NPAS2: variants seen among roughly 807,000 people sequenced by gnomAD.
The protein encoded by NPAS2 is neuronal PAS domain protein 2.
In NPAS2, 23 loss-of-function variants were observed where a neutral mutation model predicts 107.5. The observed-to-expected ratio is 0.21, with a 90% confidence interval of 0.15 to 0.30. The LOEUF is 0.30. Among genes scored for constraint, NPAS2 ranks in the 10% least tolerant of loss-of-function variants. The pLI is 1.00. For missense variants in NPAS2, 756 were observed against 1,043.3 expected (o/e 0.72, Z 3.79); for synonymous variants, 403 against 417.5 (o/e 0.97, Z 0.42).
At chr2:100,933,441 G>A (rs763596633) in intron 4 of NPAS2, among the ~76,000 whole-genome samples, 9 of 152,164 alleles carry the variant, frequency 5.9e-5, no homozygotes, top group Non-Finnish European at 8.8e-5. Flanking sequence ...GTCTTTTTAA[G>A]ATATGCTTTG....
At chr2:100,933,024 C>A (rs771247236) in intron 4 of NPAS2, 23 bp downstream of exon 4, 31 of 1,544,650 alleles carry the variant, frequency 2.0e-5, no homozygotes, top group Non-Finnish European at 2.6e-5. Flanking sequence ...TTCAAAATAG[C>A]TTAAACAGTT....
chr2:100,836,634 CA>C (rs1487695732), intron 1 of NPAS2, among the ~76,000 whole-genome samples: 4 of 152,166 alleles, frequency 2.6e-5, no homozygotes, highest in African/African-American at 9.7e-5. Flanking sequence ...TTGTGCAGGT[CA>C]GGGGTGGCTC....
chr2:100,844,409 G>T (rs1217995604), intron 1 of NPAS2, among the ~76,000 whole-genome samples: 1 of 152,158 alleles, frequency 6.6e-6, no homozygotes, highest in Non-Finnish European at 1.5e-5. Flanking sequence ...GAAGAAATAA[G>T]TATACATAAA....
At chr2:100,855,312 C>T (rs986850817) in intron 1 of NPAS2, among the ~76,000 whole-genome samples, 1 of 152,166 alleles carries the variant, frequency 6.6e-6, no homozygotes. Context: ...GTTTGCCCTT[C>T]GTGATTCCTA....
chr2:100,840,805 G>T (rs548583969), intron 1 of NPAS2, among the ~76,000 whole-genome samples: 3 of 151,964 alleles, frequency 2.0e-5, no homozygotes, highest in African/African-American at 7.2e-5. Flanking sequence ...AGAGCAAGGG[G>T]CAAACAGCAG....
intron 1 of NPAS2, among the ~76,000 whole-genome samples, chr2:100,899,223 CTTTT>C (rs368357697): frequency 2.2e-5 from 3 of 133,728 alleles, no homozygotes; most frequent in Admixed American, 7.5e-5. Context: ...TTATGGACTT[CTTTT>C]TTTTTTTTTT....
intron 3 of NPAS2, among the ~76,000 whole-genome samples, chr2:100,931,538 G>C (rs1461654935): frequency 7.1e-6 from 1 of 141,084 alleles, no homozygotes; most frequent in Non-Finnish European, 1.5e-5. Flanking sequence ...CCAGGCTGGA[G>C]TGTGGTGGTG....
At chr2:100,938,470 G>A (rs918611880) in intron 5 of NPAS2, among the ~76,000 whole-genome samples, 2 of 135,984 alleles carry the variant, frequency 1.5e-5, no homozygotes, top group African/African-American at 5.7e-5. Flanking sequence ...AGAAGGGGCT[G>A]TGGTATGGTC....
intron 1 of NPAS2, among the ~76,000 whole-genome samples, chr2:100,829,118 G>T (rs1277198261): frequency 1.3e-5 from 2 of 151,444 alleles, no homozygotes; most frequent in African/African-American, 4.8e-5. Context: ...TCACCTCTTT[G>T]GTTAGCTGTA....
At chr2:100,915,929 C>T (rs1424887896) in intron 2 of NPAS2, among the ~76,000 whole-genome samples, 1 of 152,034 alleles carries the variant, frequency 6.6e-6, no homozygotes, top group African/African-American at 2.4e-5. Context: ...ATAGATAGTA[C>T]ATAAGACAAT....
At position 100,971,022 on chromosome 2, in the gene NPAS2, A is replaced by G. The variant is rs1358534219; in HGVS notation, c.1088A>G (p.Glu363Gly). Reference protein sequence around the residue: ...YADVRVERRQELALEDPPSEA... With the variant: ...YADVRVERRQGLALEDPPSEA... Reference sequence around the variant, plus strand: ...GATGTCCGGGTGGAAAGGAGGCAGGAGCTGGCTCTGGAAGACCCGCCATCC... The same window carrying G: ...GATGTCCGGGTGGAAAGGAGGCAGGGGCTGGCTCTGGAAGACCCGCCATCC... The change falls in exon 12 of 21, where the codon GAG becomes GGG. Residue 363 changes from glutamate to glycine, a missense_variant. By Grantham distance (98) the Glu-to-Gly change is moderately conservative. Transcript: ENST00000335681. The G allele has an allele frequency of 6.2e-7, 1 of 1,614,172 alleles. No individual in the cohort carries two copies. The highest frequency in any genetic ancestry group is 1.1e-5 in the South Asian group (1 of 91,084).
At chr2:100,874,916 A>G (rs114190353) in intron 1 of NPAS2, among the ~76,000 whole-genome samples, 4 of 152,224 alleles carry the variant, frequency 2.6e-5, no homozygotes, top group Non-Finnish European at 4.4e-5. Flanking sequence ...GGACCCAAGG[A>G]GACGGATGGG....
chr2:100,910,224 G>A (rs1682453394), intron 2 of NPAS2, among the ~76,000 whole-genome samples: 1 of 152,120 alleles, frequency 6.6e-6, no homozygotes, highest in South Asian at 2.1e-4. Context: ...TAGAATTTTG[G>A]TGACAAGTTC....
intron 1 of NPAS2, among the ~76,000 whole-genome samples, chr2:100,864,261 T>G (rs1679115678): frequency 1.3e-5 from 2 of 152,190 alleles, no homozygotes; most frequent in Non-Finnish European, 2.9e-5. Flanking sequence ...CAGAAAAACA[T>G]TTTGTGGTTA....
intron 4 of NPAS2, among the ~76,000 whole-genome samples, chr2:100,933,837 G>A (rs996115511): frequency 6.6e-6 from 1 of 152,246 alleles, no homozygotes; most frequent in Non-Finnish European, 1.5e-5. Flanking sequence ...AACTGGGACA[G>A]ATGAGCTCAG....
rs1383923858 is a variant in NPAS2 at position 100,861,378 on chromosome 2, A to G, written c.-23+40964A>G. ...CTTGATATTCATAGTGCAGACAGAGAATGGGATGGATTTAAGGTAGATTTT... is the reference window on the plus strand; with the variant it reads ...CTTGATATTCATAGTGCAGACAGAGGATGGGATGGATTTAAGGTAGATTTT... On this transcript the variant is annotated intron_variant, in intron 1 of 20. Transcript: ENST00000335681. Among the ~76,000 whole-genome samples the G allele has an allele frequency of 3.9e-5, 6 of 152,072 alleles. No individual in the cohort carries two copies. The South Asian group carries it at 8.3e-4, about 21-fold the overall frequency.
chr2:100,988,699 T>C (rs920487893), intron 17 of NPAS2: 26 of 331,474 alleles, frequency 7.8e-5, no homozygotes, highest in African/African-American at 5.4e-4. Flanking sequence ...TGCTGTTCAC[T>C]GTCCCTTGCC....
At chr2:100,986,239 A>C (rs967866324) in intron 16 of NPAS2, 2 of 152,196 alleles carry the variant, frequency 1.3e-5, no homozygotes, top group Non-Finnish European at 2.9e-5. Flanking sequence ...TGGTAGAAAG[A>C]TCAGAACCCA....
chr2:100,828,416 TCCCA>T (rs1676522477), intron 1 of NPAS2, among the ~76,000 whole-genome samples: 1 of 152,160 alleles, frequency 6.6e-6, no homozygotes, highest in African/African-American at 2.4e-5. Flanking sequence ...TTTAATTAGG[TCCCA>T]CTTGTTAATT....
Sources: allele counts gnomAD v4.1 joint callset (sites outside exome capture counted in the v4.1 genomes callset), GRCh38; gene constraint gnomAD v4.1.1; transcripts MANE v1.5; gene names NCBI Gene and HGNC (gene_info 2026-07-23, HGNC 2026-07-21).